TMEM135: variants seen among roughly 807,000 people sequenced by gnomAD.
The protein encoded by TMEM135 is peroxisomal membrane protein 52.
Under a neutral mutation model 60.3 loss-of-function variants are expected in TMEM135, and 30 were observed. The observed-to-expected ratio is 0.50, with a 90% CI of 0.37 to 0.68. The LOEUF (loss-of-function observed/expected upper bound fraction) is 0.68, where lower values mean the gene tolerates loss of function less well. TMEM135 is among the 30% of genes least tolerant of loss of function. The pLI is 0.00. For missense variants in TMEM135, 468 were observed against 548.8 expected (o/e 0.85, Z 1.47); for synonymous variants, 190 against 186.7 (o/e 1.02, Z -0.14).
intron 6 of TMEM135, among the ~76,000 whole-genome samples, chr11:87,291,491 G>C (rs1333135273): frequency 8.3e-6 from 1 of 120,922 alleles, no homozygotes; most frequent in Non-Finnish European, 1.7e-5. Flanking sequence ...TTGCCCTCCT[G>C]TAAGTCTATC....
At chr11:87,198,782 A>T (rs1167882665) in intron 5 of TMEM135, among the ~76,000 whole-genome samples, 1 of 151,816 alleles carries the variant, frequency 6.6e-6, no homozygotes, top group African/African-American at 2.4e-5. Context: ...GGTGTTAGAG[A>T]CAAGTATAAA....
At chr11:87,318,018 T>G in intron 12 of TMEM135, 119 bp from the exon 13 acceptor site, 5 of 768,900 alleles carry the variant, frequency 6.5e-6, no homozygotes, top group Non-Finnish European at 1.1e-5. Context: ...TGACATCGTT[T>G]GAGCTCTGAA....
intron 4 of TMEM135, among the ~76,000 whole-genome samples, chr11:87,145,222 C>T (rs916912854): frequency 1.3e-5 from 2 of 152,148 alleles, no homozygotes; most frequent in African/African-American, 4.8e-5. Context: ...GCATAATGTT[C>T]TCCAGTTTCA....
At chr11:87,170,218 A>G (rs181260544) in intron 5 of TMEM135, among the ~76,000 whole-genome samples, 9 of 152,192 alleles carry the variant, frequency 5.9e-5, no homozygotes, top group Admixed American at 5.9e-4. Flanking sequence ...GCTTCCTTGC[A>G]TTGGGTTAGA....
intron 4 of TMEM135, among the ~76,000 whole-genome samples, chr11:87,150,521 A>G (rs1316451716): frequency 6.6e-6 from 1 of 152,208 alleles, no homozygotes. Context: ...TTTGTTTAAA[A>G]TAGTATTTAA....
intron 1 of TMEM135, among the ~76,000 whole-genome samples, chr11:87,066,941 C>T (rs543373404): frequency 1.8e-4 from 27 of 151,358 alleles, no homozygotes; most frequent in Non-Finnish European, 1.5e-4. Flanking sequence ...CCACCACGCC[C>T]GTCTCATTTT....
intron 4 of TMEM135, among the ~76,000 whole-genome samples, chr11:87,152,102 C>G (rs1826924243): frequency 6.6e-6 from 1 of 152,160 alleles, no homozygotes; most frequent in African/African-American, 2.4e-5. Flanking sequence ...CTCCTAATTC[C>G]TAAGGTTCTG....
At chr11:87,099,835 A>C (rs992960926) in intron 4 of TMEM135, among the ~76,000 whole-genome samples, 4 of 151,830 alleles carry the variant, frequency 2.6e-5, no homozygotes, top group African/African-American at 9.7e-5. Flanking sequence ...GGTGTGCACC[A>C]CCATGCCTGG....
At chr11:87,265,509 T>C (rs1441321522) in intron 6 of TMEM135, among the ~76,000 whole-genome samples, 1 of 151,984 alleles carries the variant, frequency 6.6e-6, no homozygotes, top group African/African-American at 2.4e-5. Flanking sequence ...TCCTCCAAAT[T>C]TGTTTCTTTT....
intron 3 of TMEM135, among the ~76,000 whole-genome samples, chr11:87,080,975 C>T (rs1018051524): frequency 1.6e-4 from 24 of 152,176 alleles, no homozygotes; most frequent in African/African-American, 4.1e-4. Flanking sequence ...CATGAGCCAC[C>T]GCGCCTGGCC....
chr11:87,130,367 G>A (rs994361637), intron 4 of TMEM135, among the ~76,000 whole-genome samples: 12 of 152,092 alleles, frequency 7.9e-5, no homozygotes, highest in African/African-American at 2.9e-4. Context: ...TCTTTCTACT[G>A]TTTTCCTAAG....
At chr11:87,263,172 A>G (rs552593832) in intron 6 of TMEM135, among the ~76,000 whole-genome samples, 2 of 152,292 alleles carry the variant, frequency 1.3e-5, no homozygotes, top group South Asian at 4.1e-4. Flanking sequence ...TATTTGGAGT[A>G]GTGTTTTATT....
intron 5 of TMEM135, among the ~76,000 whole-genome samples, chr11:87,192,005 T>TTC (rs1285194009): frequency 6.8e-6 from 1 of 146,032 alleles, no homozygotes; most frequent in East Asian, 1.9e-4. Flanking sequence ...TTTTTTTTTT[T>TTC]CGAGATGGAG....
At chr11:87,269,740 A>G (rs1034200860) in intron 6 of TMEM135, among the ~76,000 whole-genome samples, 3 of 151,322 alleles carry the variant, frequency 2.0e-5, no homozygotes, top group East Asian at 1.9e-4. Context: ...AATCCAGTCT[A>G]TCATTGATGG....
chr11:87,042,859 G>A (rs951850967), intron 1 of TMEM135, among the ~76,000 whole-genome samples: 2 of 151,834 alleles, frequency 1.3e-5, no homozygotes, highest in East Asian at 1.9e-4. Flanking sequence ...TCAAAATGTA[G>A]ATGTATGATT....
At chr11:87,245,881 T>C (rs1412045265) in intron 6 of TMEM135, among the ~76,000 whole-genome samples, 1 of 81,002 alleles carries the variant, frequency 1.2e-5, no homozygotes, top group Non-Finnish European at 3.0e-5. Context: ...TGTGTGAATT[T>C]GATCCTGTCA....
chr11:87,143,181 T>A (rs767725557), intron 4 of TMEM135, among the ~76,000 whole-genome samples: 31 of 152,194 alleles, frequency 2.0e-4, no homozygotes, highest in Admixed American at 8.5e-4. Flanking sequence ...TATACTTTCC[T>A]TTTTCTGTTG....
At chr11:87,200,240 A>G (rs1940064589) in intron 5 of TMEM135, among the ~76,000 whole-genome samples, 1 of 152,180 alleles carries the variant, frequency 6.6e-6, no homozygotes. Flanking sequence ...ATTAACATGA[A>G]CCTTCACAGG....
intron 6 of TMEM135, among the ~76,000 whole-genome samples, chr11:87,237,530 T>C (rs1178929718): frequency 6.6e-6 from 1 of 151,974 alleles, no homozygotes; most frequent in Non-Finnish European, 1.5e-5. Flanking sequence ...ATATATTTCT[T>C]TAAGAATAAA....
Sources: allele counts gnomAD v4.1 joint callset (sites outside exome capture counted in the v4.1 genomes callset), GRCh38; gene constraint gnomAD v4.1.1; transcripts MANE v1.5; gene names NCBI Gene and HGNC (gene_info 2026-07-23, HGNC 2026-07-21).